Variants in MAGI2 observed in about 807,000 individuals in gnomAD.
MAGI2 encodes the protein membrane associated guanylate kinase, WW and PDZ domain containing 2.
MAGI2 carries 35 observed loss-of-function variants against 133.3 expected under a neutral mutation model. The ratio of observed to expected loss-of-function variants is 0.26; its 90% confidence interval spans 0.20 to 0.35. The LOEUF is 0.35. MAGI2 is among the 10% of genes least tolerant of loss of function. The pLI is 1.00. For synonymous variants in MAGI2, 729 were observed against 710.6 expected (o/e 1.03, Z -0.41); for missense variants, 1,636 against 1,863.4 (o/e 0.88, Z 2.25).
At chr7:79,075,462 A>ATATAATTATAT (rs1386809123) in intron 1 of MAGI2, among the ~76,000 whole-genome samples, 2 of 152,176 alleles carry the variant, frequency 1.3e-5, no homozygotes, top group East Asian at 3.8e-4. Context: ...ATAGTAGTGA[A>ATATAATTATAT]TATAATTATA....
At chr7:79,056,252 G>C (rs1562839729) in intron 1 of MAGI2, among the ~76,000 whole-genome samples, 1 of 152,116 alleles carries the variant, frequency 6.6e-6, no homozygotes, top group Non-Finnish European at 1.5e-5. Flanking sequence ...GCTGTGCATG[G>C]TTGCGCATGC....
intron 6 of MAGI2, among the ~76,000 whole-genome samples, chr7:78,404,893 T>C (rs1797236852): frequency 6.6e-6 from 1 of 152,124 alleles, no homozygotes; most frequent in African/African-American, 2.4e-5. Flanking sequence ...ACCTACAGAA[T>C]GGGAGAAAAT....
At chr7:78,433,978 G>A (rs745411655) in intron 6 of MAGI2, among the ~76,000 whole-genome samples, 32 of 152,238 alleles carry the variant, frequency 2.1e-4, no homozygotes, top group Middle Eastern at 3.4e-3. Flanking sequence ...AAATACTATG[G>A]TCAAGTGATT....
Position 78,297,529 on chromosome 7 carries a change from C to T in MAGI2, c.1409-40948G>A, listed in dbSNP as rs1415053607. Among the ~76,000 whole-genome samples, 844 of 149,682 alleles carry T rather than the reference C, an allele frequency of 5.6e-3. 11 individuals carry two copies. The highest frequency in any genetic ancestry group is 0.019 in the African/African-American group (777 of 40,828). ...ATGCTGCTATAAAGACACATGCACACGTATGTTTATTGCGGCATTATTCAC... is the reference window on the plus strand; with the variant it reads ...ATGCTGCTATAAAGACACATGCACATGTATGTTTATTGCGGCATTATTCAC... On this transcript the variant is annotated intron_variant, in intron 9 of 21. Transcript: ENST00000354212.
chr7:78,956,917 G>T (rs1802423616), intron 2 of MAGI2, among the ~76,000 whole-genome samples: 1 of 152,062 alleles, frequency 6.6e-6, no homozygotes, highest in South Asian at 2.1e-4. Context: ...GCTAGCTCAG[G>T]GTTTTCTGCT....
intron 1 of MAGI2, among the ~76,000 whole-genome samples, chr7:79,337,358 G>A (rs1006649953): frequency 5.3e-5 from 8 of 152,184 alleles, no homozygotes; most frequent in African/African-American, 1.9e-4. Context: ...TGGAGCATGT[G>A]AGACTCTGCT....
At chr7:78,436,140 G>A (rs73701491) in intron 6 of MAGI2, among the ~76,000 whole-genome samples, 4,135 of 152,280 alleles carry the variant, frequency 0.027, 69 homozygotes, top group South Asian at 0.074. Flanking sequence ...TGTTTATACA[G>A]AGGGTCAAAC....
At chr7:78,685,364 C>T (rs764843835) in intron 2 of MAGI2, among the ~76,000 whole-genome samples, 10 of 151,752 alleles carry the variant, frequency 6.6e-5, no homozygotes, top group South Asian at 2.1e-4. Context: ...CCTTTCTTTC[C>T]GGCTCAAAAT....
intron 9 of MAGI2, among the ~76,000 whole-genome samples, chr7:78,298,243 T>C (rs1382873391): frequency 6.6e-6 from 1 of 152,118 alleles, no homozygotes; most frequent in Non-Finnish European, 1.5e-5. Context: ...TCTAAAAAAC[T>C]GTCATGGCCA....
intron 21 of MAGI2, among the ~76,000 whole-genome samples, chr7:78,061,348 G>T (rs1246078926): frequency 6.6e-6 from 1 of 151,232 alleles, no homozygotes; most frequent in African/African-American, 2.4e-5. Flanking sequence ...ATGACAATGG[G>T]AATGGAGGAG....
chr7:78,269,083 G>C (rs539403399), intron 9 of MAGI2, among the ~76,000 whole-genome samples: 2 of 152,152 alleles, frequency 1.3e-5, no homozygotes, highest in Non-Finnish European at 2.9e-5. Context: ...ATGTTTTCTA[G>C]TTCATCCACG....
At chr7:78,764,572 A>G (rs1824824136) in intron 2 of MAGI2, among the ~76,000 whole-genome samples, 1 of 152,220 alleles carries the variant, frequency 6.6e-6, no homozygotes, top group Non-Finnish European at 1.5e-5. Context: ...AATGTTAAAC[A>G]GTTCTTCTTC....
intron 3 of MAGI2, among the ~76,000 whole-genome samples, chr7:78,540,409 G>A (rs76550071): frequency 0.017 from 2,526 of 152,232 alleles, 67 homozygotes; most frequent in African/African-American, 0.058. Context: ...TAGCCAGGCA[G>A]GCCAGTCTCA....
intron 16 of MAGI2, among the ~76,000 whole-genome samples, chr7:78,149,484 A>C (rs1308440231): frequency 6.6e-6 from 1 of 152,222 alleles, no homozygotes; most frequent in Admixed American, 6.5e-5. Flanking sequence ...AGGAAGCATC[A>C]ATATCAGTGA....
chr7:78,172,338 G>C (rs544678136), intron 14 of MAGI2, among the ~76,000 whole-genome samples: 23 of 152,274 alleles, frequency 1.5e-4, no homozygotes, highest in Non-Finnish European at 2.4e-4. Flanking sequence ...CAGATTTCAG[G>C]CTCTTTCCTT....
At chr7:78,537,397 T>A (rs1798051843) in intron 3 of MAGI2, among the ~76,000 whole-genome samples, 1 of 152,224 alleles carries the variant, frequency 6.6e-6, no homozygotes, top group Non-Finnish European at 1.5e-5. Context: ...GTAGATCTAC[T>A]TTTAGTTCTT....
At chr7:78,554,659 A>G (rs1160383366) in intron 3 of MAGI2, 1 of 152,208 alleles carries the variant, frequency 6.6e-6, no homozygotes, top group Non-Finnish European at 1.5e-5. Flanking sequence ...CCCTCATTCA[A>G]GAGGTACCCT....
At chr7:78,471,171 G>A (rs1420297746) in intron 6 of MAGI2, among the ~76,000 whole-genome samples, 2 of 152,128 alleles carry the variant, frequency 1.3e-5, no homozygotes, top group East Asian at 3.9e-4. Flanking sequence ...TACATAGGAT[G>A]ATACCATCTG....
chr7:78,660,610 C>T (rs1331219289), intron 2 of MAGI2, among the ~76,000 whole-genome samples: 2 of 152,058 alleles, frequency 1.3e-5, no homozygotes, highest in Admixed American at 6.6e-5. Flanking sequence ...AAATAACATG[C>T]TATAAATGAT....
Sources: gnomAD v4.1 joint callset for allele counts (sites outside exome capture counted in the v4.1 genomes callset) on GRCh38, gnomAD v4.1.1 for gene constraint, MANE v1.5 for transcripts, NCBI Gene and HGNC (gene_info 2026-07-23, HGNC 2026-07-21) for gene names.